The following RNF157 variants were observed in gnomAD, a reference collection of about 807,000 sequenced individuals.
RNF157 encodes the protein E3 ubiquitin ligase RNF157.
In RNF157, 55 loss-of-function variants were observed where a neutral mutation model predicts 88.3. The observed-to-expected ratio is 0.62, with a 90% CI of 0.50 to 0.78. The LOEUF is 0.78. Ranked by LOEUF, RNF157 falls within the 30% of genes least tolerant of loss-of-function variation. The pLI is 0.00. For missense variants in RNF157, 788 were observed against 860.8 expected, an observed-to-expected ratio of 0.92 and a Z score of 1.06; for synonymous variants, 334 against 341.2, an observed-to-expected ratio of 0.98 and a Z score of 0.23.
intron 11 of RNF157, among the ~76,000 whole-genome samples, 168 bp from the exon 12 acceptor site, chr17:76,159,741 T>C (rs2068820490): frequency 6.6e-6 from 1 of 152,234 alleles, no homozygotes; most frequent in South Asian, 2.1e-4. Flanking sequence ...AATCACACAC[T>C]GTAGATCCTG....
intron 3 of RNF157, 128 bp from the exon 4 acceptor site, chr17:76,167,925 T>G (rs1430632731): frequency 2.8e-5 from 26 of 914,880 alleles, no homozygotes; most frequent in Non-Finnish European, 3.6e-5. Flanking sequence ...CTCTTCATTC[T>G]GAATGATCAC....
At chr17:76,185,752 A>C (rs1276689140) in intron 2 of RNF157, among the ~76,000 whole-genome samples, 1 of 152,094 alleles carries the variant, frequency 6.6e-6, no homozygotes, top group East Asian at 1.9e-4. Flanking sequence ...TACAGGCGTG[A>C]GCCACCGCGC....
At chr17:76,193,110 C>T (rs755001054) in intron 2 of RNF157, among the ~76,000 whole-genome samples, 2 of 152,174 alleles carry the variant, frequency 1.3e-5, no homozygotes, top group African/African-American at 4.8e-5. Context: ...TGGGCCAGAG[C>T]ACTCAGCCTT....
chr17:76,195,113 CAGG>C lies in RNF157; in HGVS notation c.207+17248_207+17250del, dbSNP rs1048582000. ...ACACACTGACAAGTGGAAAGCGATT[CAGG>C]AGAACAGAAAGGGCCGAAATCCCAA... is the stretch of plus-strand genomic sequence containing the variant. On this transcript the variant is annotated intron_variant, in intron 2 of 18. Transcript: ENST00000269391. This position sits in a 1 kb window ranked among gnomAD's most constrained non-coding sequence, Gnocchi z 4.4. 3.3e-5 allele frequency among the ~76,000 whole-genome samples: 5 copies of C among 152,144 alleles called. No individual in the cohort carries two copies. Among genetic ancestry groups the C allele is most frequent in the African/African-American group, 1.2e-4 (5 of 41,426 alleles).
chr17:76,214,966 T>C (rs186449421), intron 1 of RNF157, among the ~76,000 whole-genome samples: 5 of 152,198 alleles, frequency 3.3e-5, no homozygotes, highest in East Asian at 1.9e-4. Flanking sequence ...TATTATCTAA[T>C]TCTCCCATGA....
chr17:76,184,855 T>G (rs1160899485), intron 2 of RNF157, among the ~76,000 whole-genome samples: 1 of 152,220 alleles, frequency 6.6e-6, no homozygotes, highest in East Asian at 1.9e-4. Flanking sequence ...GTCTTCGAAC[T>G]CCTCTGCTAG....
intron 2 of RNF157, among the ~76,000 whole-genome samples, chr17:76,194,869 G>A (rs1033873346): frequency 6.6e-6 from 1 of 152,072 alleles, no homozygotes; most frequent in African/African-American, 2.4e-5. Context: ...CAAAAAATTA[G>A]CCAGGCGTGG....
intron 1 of RNF157, among the ~76,000 whole-genome samples, chr17:76,218,316 C>A (rs1395780549): frequency 6.6e-6 from 1 of 152,110 alleles, no homozygotes; most frequent in African/African-American, 2.4e-5. Context: ...GAAAGAAAAG[C>A]CCCTGAGCTC....
intron 2 of RNF157, among the ~76,000 whole-genome samples, chr17:76,192,640 A>G (rs2069406007): frequency 6.6e-6 from 1 of 152,174 alleles, no homozygotes; most frequent in South Asian, 2.1e-4. Context: ...AATAACTGAA[A>G]AACACAGACC....
intron 2 of RNF157, chr17:76,175,840 A>G: frequency 2.1e-6 from 2 of 956,350 alleles, no homozygotes; most frequent in Non-Finnish European, 2.5e-6. Context: ...AAAAATAAAA[A>G]GAAAGAAAAA....
chr17:76,202,126 T>TCACACA (rs1174829610), intron 2 of RNF157, among the ~76,000 whole-genome samples: 9 of 137,716 alleles, frequency 6.5e-5, no homozygotes, highest in African/African-American at 2.7e-4. Flanking sequence ...TCTCTCTCTC[T>TCACACA]CTCACACACA....
At chr17:76,218,387 T>C (rs901631029) in intron 1 of RNF157, among the ~76,000 whole-genome samples, 1 of 152,166 alleles carries the variant, frequency 6.6e-6, no homozygotes, top group African/African-American at 2.4e-5. Flanking sequence ...ACGCCTGCAA[T>C]CCCAGTACTT....
intron 14 of RNF157, 38 bp from the exon 15 acceptor site, chr17:76,155,772 C>A: frequency 6.7e-7 from 1 of 1,482,514 alleles, no homozygotes; most frequent in South Asian, 1.4e-5. Context: ...GCCTGGAGGT[C>A]AGGCAGGGCT....
At chr17:76,170,787 C>T (rs2069000638) in intron 3 of RNF157, among the ~76,000 whole-genome samples, 1 of 152,192 alleles carries the variant, frequency 6.6e-6, no homozygotes, top group Admixed American at 6.5e-5. Flanking sequence ...AGTCATTTAA[C>T]GTTCACTATG....
At chr17:76,239,070 A>T (rs548117651) in intron 1 of RNF157, among the ~76,000 whole-genome samples, 2 of 152,230 alleles carry the variant, frequency 1.3e-5, no homozygotes, top group Non-Finnish European at 2.9e-5. Context: ...TACCAAAAAG[A>T]GACGAGGCTC....
chr17:76,166,351 G>T lies in RNF157; in HGVS notation c.628+110C>A. On this transcript the variant is annotated intron_variant, in intron 6 of 18. Transcript: ENST00000269391. ...GGATGCAGAGACTGCCTGACTCACA[G>T]TCACAAACACCCACAAAGAAGGCAT... The T allele has an allele frequency of 4.5e-6, 4 of 888,506 alleles. 1 individual carries two copies. The Admixed American group carries it at 5.6e-5, about 12-fold the overall frequency. The allele number at this position is 888,506 out of a possible 1,614,324, so 55.0% of individuals were successfully genotyped here. A position where few individuals can be genotyped will look rare whatever the true frequency, so the allele number is the denominator to read the frequency against.
At chr17:76,214,552 CA>C (rs1267133844) in intron 1 of RNF157, among the ~76,000 whole-genome samples, 1 of 152,108 alleles carries the variant, frequency 6.6e-6, no homozygotes, top group Admixed American at 6.6e-5. Flanking sequence ...TTAGATAATA[CA>C]GTTATCCCTG....
intron 2 of RNF157, among the ~76,000 whole-genome samples, chr17:76,201,969 A>G (rs1568059412): frequency 6.6e-6 from 1 of 152,122 alleles, no homozygotes; most frequent in Non-Finnish European, 1.5e-5. Flanking sequence ...GAGAGGTGAA[A>G]CAGTTGGGCC....
chr17:76,189,918 C>T (rs936712229), intron 2 of RNF157, among the ~76,000 whole-genome samples: 3 of 152,170 alleles, frequency 2.0e-5, no homozygotes, highest in Non-Finnish European at 4.4e-5. Flanking sequence ...AACAGCCAGG[C>T]GCAAGAAGCA....
Sources: allele counts gnomAD v4.1 joint callset (sites outside exome capture counted in the v4.1 genomes callset), GRCh38; gene constraint gnomAD v4.1.1; non-coding constraint Gnocchi (gnomAD v3.1); transcripts MANE v1.5; gene names NCBI Gene and HGNC (gene_info 2026-07-23, HGNC 2026-07-21).